Variants in TP63 observed in about 807,000 individuals in gnomAD.
The protein encoded by TP63 is tumor protein 63.
A neutral mutation model predicts 82.8 loss-of-function variants in TP63; 17 were observed. The observed-to-expected ratio is 0.21, with a 90% CI of 0.14 to 0.31. TP63 has a LOEUF of 0.31. Ranked by LOEUF, TP63 falls within the 10% of genes least tolerant of loss-of-function variation. The pLI, the probability that TP63 is intolerant of heterozygous loss-of-function variation, is 1.00. For synonymous variants in TP63, 330 were observed against 321.7 expected, an observed-to-expected ratio of 1.03 and a Z score of -0.28; for missense variants, 648 against 895.3, an observed-to-expected ratio of 0.72 and a Z score of 3.52.
At chr3:189,739,021 G>C in intron 3 of TP63, 1 of 548,914 alleles carries the variant, frequency 1.8e-6, no homozygotes. Flanking sequence ...CTTTTATCTT[G>C]ATTGTTCCTC....
At chr3:189,744,953 G>A (rs1721260544) in intron 3 of TP63, among the ~76,000 whole-genome samples, 1 of 152,194 alleles carries the variant, frequency 6.6e-6, no homozygotes, top group Non-Finnish European at 1.5e-5. Flanking sequence ...ATTCACTACA[G>A]CCTCCACTAA....
chr3:189,621,846 T>C, the TP63 span, among the ~76,000 whole-genome samples: 3 of 152,188 alleles, frequency 2.0e-5, no homozygotes, highest in African/African-American at 7.2e-5. Flanking sequence ...TTCAGATGGA[T>C]TAAATAAATC....
chr3:189,664,431 T>C (rs1714199048), intron 1 of TP63, among the ~76,000 whole-genome samples: 2 of 152,160 alleles, frequency 1.3e-5, no homozygotes. Flanking sequence ...TGCCATCCTA[T>C]TTCCTAACTG....
At chr3:189,692,466 T>G (rs1402388693) in intron 1 of TP63, among the ~76,000 whole-genome samples, 1 of 152,058 alleles carries the variant, frequency 6.6e-6, no homozygotes, top group Admixed American at 6.6e-5. Flanking sequence ...TTTTATTTAC[T>G]ATGTGTTACA....
intron 4 of TP63, among the ~76,000 whole-genome samples, chr3:189,812,368 CACAT>C (rs780905534): frequency 1.3e-5 from 2 of 152,146 alleles, no homozygotes; most frequent in Non-Finnish European, 2.9e-5. Context: ...GTTTCACACA[CACAT>C]ACATACACGA....
intron 4 of TP63, among the ~76,000 whole-genome samples, chr3:189,835,254 T>C (rs1712964109): frequency 6.6e-6 from 1 of 151,574 alleles, no homozygotes; most frequent in Admixed American, 6.6e-5. Flanking sequence ...AGTTATATTT[T>C]ATAAAAATTA....
chr3:189,729,209 G>C (rs1719984679), intron 1 of TP63, among the ~76,000 whole-genome samples: 1 of 152,138 alleles, frequency 6.6e-6, no homozygotes, highest in African/African-American at 2.4e-5. Flanking sequence ...GAAGAAATTG[G>C]TTAGGATAAA....
chr3:189,896,796 G>A lies in TP63; in HGVS notation c.*2294G>A, dbSNP rs896716138. On this transcript the variant is annotated 3_prime_UTR_variant, in exon 14 of 14. Transcript: ENST00000264731. ...CCTCATGGCAGCCTACTCTCCTTGA[G>A]TGTATGAGTAGCCAGGGTAAGGGGT... The A allele has an allele frequency of 1.4e-5, 3 of 208,042 alleles. No individual in the cohort carries two copies. The highest frequency in any genetic ancestry group is 2.9e-5 in the Non-Finnish European group (3 of 101,860). The allele number at this position is 208,042 out of a possible 1,614,324, so 12.9% of individuals were successfully genotyped here.
chr3:189,749,494 C>T, intron 3 of TP63, among the ~76,000 whole-genome samples: 1 of 152,126 alleles, frequency 6.6e-6, no homozygotes, highest in East Asian at 1.9e-4. Context: ...AATGAGATAT[C>T]ATCTTATGCC....
intron 3 of TP63, among the ~76,000 whole-genome samples, chr3:189,757,811 ATAATAT>A (rs1310466368): frequency 6.6e-6 from 1 of 152,166 alleles, no homozygotes; most frequent in Admixed American, 6.5e-5. Flanking sequence ...TTTCACTCAA[ATAATAT>A]TAATAATTGT....
chr3:189,704,366 C>A (rs1183841586), intron 1 of TP63, among the ~76,000 whole-genome samples: 3 of 152,188 alleles, frequency 2.0e-5, no homozygotes, highest in African/African-American at 7.2e-5. Context: ...GTGAAGCCAC[C>A]CATAGCTTAC....
At position 189,742,243 on chromosome 3, in the gene TP63, C is replaced by CAA. The variant is rs140413709; in HGVS notation, c.324+3495_324+3496dup. 9.7e-4 allele frequency among the ~76,000 whole-genome samples: 75 copies of CAA among 77,596 alleles called. 1 individual carries two copies. Among genetic ancestry groups the CAA allele is most frequent in the African/African-American group, 3.2e-3 (61 of 19,104 alleles). The allele number at this position is 77,596 out of a possible 152,430, so 50.9% of individuals were successfully genotyped here. A position where few individuals can be genotyped will look rare whatever the true frequency, so the allele number is the denominator to read the frequency against. On this transcript the variant is annotated intron_variant, in intron 3 of 13. Transcript: ENST00000264731. ...GGGCAACAAGAGCAAAACTCCATCCCAAAAAAAAAAAAAAAAAAAAAAAAA... is the reference window on the plus strand; with the variant it reads ...GGGCAACAAGAGCAAAACTCCATCCCAAAAAAAAAAAAAAAAAAAAAAAAAAA...
rs1310971082 is a variant in TP63 at position 189,773,942 on chromosome 3, A to T, written c.325-34330A>T. On this transcript the variant is annotated intron_variant, in intron 3 of 13. Transcript: ENST00000264731. ...TTTTTTTTTTTTTTTTTTTTTTTTG[A>T]GACGGAGTCTCGCTCTGTCACCCAG... 4.6e-3 allele frequency among the ~76,000 whole-genome samples: 324 copies of T among 69,956 alleles called. 2 individuals are homozygous for T. The highest frequency in any genetic ancestry group is 6.1e-3 in the Non-Finnish European group (237 of 39,060). The allele number at this position is 69,956 out of a possible 152,430, so 45.9% of individuals were successfully genotyped here.
intron 3 of TP63, among the ~76,000 whole-genome samples, chr3:189,782,102 G>A (rs1724274779): frequency 6.6e-6 from 1 of 152,152 alleles, no homozygotes. Context: ...TTAGAACAGT[G>A]CCCTTTCATG....
chr3:189,633,171 T>C (rs1229534550), intron 1 of TP63, among the ~76,000 whole-genome samples: 2 of 152,052 alleles, frequency 1.3e-5, no homozygotes, highest in Non-Finnish European at 2.9e-5. Context: ...GAAGCAAATG[T>C]CATCTCAGTT....
At chr3:189,648,872 TAAAG>T (rs10570486) in intron 1 of TP63, among the ~76,000 whole-genome samples, 130,782 of 146,182 alleles carry the variant, frequency 0.89, 61,692 homozygotes, top group East Asian at 1. Context: ...ATTTTATAGA[TAAAG>T]AAACTGAAGG....
rs201904775 is a variant in TP63 at position 189,670,021 on chromosome 3, A to AT, written c.62+38445dup. Among the ~76,000 whole-genome samples the AT allele has an allele frequency of 3.9e-5, 6 of 152,112 alleles. No homozygotes were observed. The East Asian group carries it at 1.2e-3, about 29-fold the overall frequency. ...AGGGGCCAAATATACCATATAAACTATATTAATAAGAAAGCTGAAATGAAC... is the reference window on the plus strand; with the variant it reads ...AGGGGCCAAATATACCATATAAACTATTATTAATAAGAAAGCTGAAATGAAC... On this transcript the variant is annotated intron_variant, in intron 1 of 13. Coordinates refer to ENST00000264731, the MANE Select transcript of TP63 (RefSeq NM_003722.5).
At chr3:189,866,044 C>G (rs1270179199) in intron 5 of TP63, among the ~76,000 whole-genome samples, 6 of 151,860 alleles carry the variant, frequency 4.0e-5, no homozygotes, top group Admixed American at 3.9e-4. Context: ...GGAGCATCTT[C>G]TTTTTTTTGG....
At chr3:189,855,834 A>C (rs1310725314) in intron 4 of TP63, among the ~76,000 whole-genome samples, 1 of 152,090 alleles carries the variant, frequency 6.6e-6, no homozygotes, top group Admixed American at 6.5e-5. Context: ...ATGTTTTGAC[A>C]ATGATGAAAT....
Sources: allele counts gnomAD v4.1 joint callset (sites outside exome capture counted in the v4.1 genomes callset), GRCh38; gene constraint gnomAD v4.1.1; transcripts MANE v1.5; gene names NCBI Gene and HGNC (gene_info 2026-07-23, HGNC 2026-07-21).